Variants in COL5A1 observed in about 807,000 individuals in gnomAD.
COL5A1 encodes the protein collagen alpha-1(V) chain.
COL5A1 carries 16 observed loss-of-function variants against 263.7 expected under a neutral mutation model. That is an observed-to-expected ratio of 0.06 (90% CI 0.04 to 0.09). The LOEUF is 0.09. Among genes scored for constraint, COL5A1 ranks in the 10% least tolerant of loss-of-function variants. COL5A1 has a pLI of 1.00. For synonymous variants in COL5A1, 1,012 were observed against 1,004.5 expected, an observed-to-expected ratio of 1.01 and a Z score of -0.14; for missense variants, 2,036 against 2,540.5, an observed-to-expected ratio of 0.80 and a Z score of 4.27.
chr9:134,689,829 C>T (rs1170689730), intron 1 of COL5A1, among the ~76,000 whole-genome samples: 1 of 64,102 alleles, frequency 1.6e-5, no homozygotes, highest in East Asian at 5.5e-4. Flanking sequence ...ACTCCCAGGC[C>T]GCCCCAACAC....
intron 14 of COL5A1, 50 bp downstream of exon 14, chr9:134,752,695 A>G: frequency 6.9e-7 from 1 of 1,445,364 alleles, no homozygotes; most frequent in Non-Finnish European, 9.7e-7. Flanking sequence ...GGATTGGCCC[A>G]CTCCCTGTGT....
intron 1 of COL5A1, among the ~76,000 whole-genome samples, chr9:134,685,214 A>ACCAT (rs1832992495): frequency 3.4e-5 from 3 of 87,208 alleles, no homozygotes; most frequent in Non-Finnish European, 4.7e-5. Flanking sequence ...CCATCCATCC[A>ACCAT]CCATCCATTC....
chr9:134,768,526 T>C, intron 25 of COL5A1, 63 bp downstream of exon 25: 1 of 1,517,462 alleles, frequency 6.6e-7, no homozygotes, highest in Non-Finnish European at 9.1e-7. Context: ...CGGATAGGGC[T>C]GCAGGCCCAG....
rs181344443 is a variant in COL5A1, at chr9:134,663,292, G to T, written c.109+20996G>T. On this transcript the variant is annotated intron_variant, in intron 1 of 65. Transcript: ENST00000371817. ...TGGAGTCAGTGTGTGGTGGCCGGGG[G>T]CCTGTCCCAGAACGTAGCACACTTC... 6.4e-3 allele frequency among the ~76,000 whole-genome samples: 972 copies of T among 152,340 alleles called. 5 individuals carry two copies. The highest frequency in any genetic ancestry group is 9.0e-3 in the Admixed American group (137 of 15,306).
At position 134,727,354 on chromosome 9, in the gene COL5A1, T is replaced by G; in HGVS notation, c.743T>G (p.Val248Gly). ...EHYSPDCDTAVPDTPQSQDPN... is the reference protein window; with the variant it reads ...EHYSPDCDTAGPDTPQSQDPN... ...TACAGCCCTGACTGTGACACCGCAG[T>G]ACCTGACACCCCACAGTCGCAGGAC... Residue 248 changes from valine (V) to glycine (G), a missense_variant, in exon 5 of 66, where the codon GTA becomes GGA. Transcript: ENST00000371817. The G allele has an allele frequency of 6.2e-7, 1 of 1,614,050 alleles. No individual in the cohort carries two copies. The highest frequency in any genetic ancestry group is 2.2e-5 in the East Asian group (1 of 44,874).
chr9:134,759,748 C>T (rs1277011309), intron 18 of COL5A1, among the ~76,000 whole-genome samples: 130 of 105,294 alleles, frequency 1.2e-3, no homozygotes, highest in African/African-American at 2.8e-3. Context: ...ACACACCACA[C>T]ATGCACACAC....
At chr9:134,706,383 T>A (rs1167503513) in intron 4 of COL5A1, among the ~76,000 whole-genome samples, 1 of 152,102 alleles carries the variant, frequency 6.6e-6, no homozygotes, top group Non-Finnish European at 1.5e-5. Flanking sequence ...CAGGGCATAG[T>A]CAGGAACGAG....
intron 5 of COL5A1, among the ~76,000 whole-genome samples, chr9:134,727,793 T>C (rs1315347981): frequency 1.3e-5 from 2 of 152,164 alleles, no homozygotes; most frequent in African/African-American, 4.8e-5. Flanking sequence ...TTGTCTACTG[T>C]AGAATGGCCA....
In COL5A1 at chr9:134,652,502, G is replaced by C. The variant is rs191650280; in HGVS notation, c.109+10206G>C. On this transcript the variant is annotated intron_variant, in intron 1 of 65. Coordinates refer to ENST00000371817, the MANE Select transcript of COL5A1 (RefSeq NM_000093.5). This position sits in a 1 kb window ranked among gnomAD's most constrained non-coding sequence, Gnocchi z 4.4. Reference sequence around the variant, plus strand: ...ATGGCTTCTCAGCCCAGGCCATTTGGGGACATGTGGCAATGTCTGGAGATG... The same window carrying C: ...ATGGCTTCTCAGCCCAGGCCATTTGCGGACATGTGGCAATGTCTGGAGATG... Among the ~76,000 whole-genome samples the C allele has an allele frequency of 9.1e-4, 139 of 152,288 alleles. No individual in the cohort carries two copies. The highest frequency in any genetic ancestry group is 3.1e-3 in the African/African-American group (127 of 41,556).
chr9:134,666,406 G>T (rs1832358495), intron 1 of COL5A1, among the ~76,000 whole-genome samples: 2 of 152,202 alleles, frequency 1.3e-5, no homozygotes, highest in African/African-American at 4.8e-5. Flanking sequence ...CTGGAGAGTG[G>T]CTTTTGGCCT....
intron 2 of COL5A1, among the ~76,000 whole-genome samples, chr9:134,697,023 A>T (rs997069842): frequency 6.6e-6 from 1 of 151,930 alleles, no homozygotes; most frequent in Non-Finnish European, 1.5e-5. Context: ...GTGAGCTGAG[A>T]TCACGCCACT....
At chr9:134,732,371 G>T in intron 9 of COL5A1, 2 of 609,362 alleles carry the variant, frequency 3.3e-6, no homozygotes, top group Non-Finnish European at 5.9e-6. Context: ...GATCAAAGCC[G>T]GTCCTGCACC....
chr9:134,673,228 G>A (rs1026151043), intron 1 of COL5A1, among the ~76,000 whole-genome samples: 5 of 152,182 alleles, frequency 3.3e-5, no homozygotes, highest in Non-Finnish European at 7.3e-5. Context: ...TGAAAAAGAA[G>A]AACATCGGAG....
intron 11 of COL5A1, among the ~76,000 whole-genome samples, chr9:134,743,100 C>A (rs1336545061): frequency 6.6e-6 from 1 of 152,184 alleles, no homozygotes; most frequent in Admixed American, 6.5e-5. Context: ...AAGAAATGTT[C>A]CCTGTGATCA....
chr9:134,784,904 C>T lies in COL5A1; in HGVS notation c.2485-85C>T, dbSNP rs528101460. 4.3e-5 allele frequency: 50 copies of T among 1,158,388 alleles called. No individual in the cohort carries two copies. The African/African-American group carries it at 6.8e-4, about 16-fold the overall frequency. 71.8% of individuals were successfully genotyped at this position (1,158,388 alleles called of 1,614,324 possible). On this transcript the variant is annotated intron_variant, in intron 29 of 65. Transcript: ENST00000371817. ...ACCACAGGGTGCCTGTGACCTGTCC[C>T]CTTGCTCCTTGCTCTCAGAATGGTG...
chr9:134,701,219 C>G lies in COL5A1; in HGVS notation c.540C>G (p.Ile180Met), dbSNP rs374994926. The change falls in exon 4 of 66, where the codon ATC (isoleucine) becomes ATG (methionine). Residue 180 changes from isoleucine (I) to methionine (M), a missense_variant. Physicochemically the swap from Ile to Met is conservative, Grantham distance 10 (BLOSUM62 1). Around this residue, in one of 3 missense-constraint regions of COL5A1, gnomAD observed 600 missense variants for 634.5 expected, o/e 0.95. Coordinates refer to ENST00000371817, the MANE Select transcript of COL5A1 (RefSeq NM_000093.5). ...LSVHKKNVTL[I>M]LDCKKKTTKF... ...TCCACAAGAAAAATGTCACCTTGAT[C>G]CTCGACTGTAAAAAGAAGACCACCA... is the stretch of plus-strand genomic sequence containing the variant. 2 of 1,614,002 alleles carry G rather than the reference C, an allele frequency of 1.2e-6. No individual in the cohort carries two copies. The highest frequency in any genetic ancestry group is 4.5e-5 in the East Asian group (2 of 44,874).
chr9:134,738,509 C>T lies in COL5A1; in HGVS notation c.1425C>T (p.Gly475=), dbSNP rs1222300300. ...TCGAGGGCCCGCCTGGCCCAGAAGGCCCCGCGGTGAGTATCCGGCTTTATC... is the reference window on the plus strand; with the variant it reads ...TCGAGGGCCCGCCTGGCCCAGAAGGTCCCGCGGTGAGTATCCGGCTTTATC... ...MLIEGPPGPE[G]PAGLPGPPGT... The change falls in exon 10 of 66, where the codon GGC becomes GGT. Residue 475 remains glycine, a synonymous_variant. Coordinates refer to ENST00000371817, the MANE Select transcript of COL5A1 (RefSeq NM_000093.5). The T allele has an allele frequency of 1.9e-6, 3 of 1,614,028 alleles. No homozygotes were observed. Among genetic ancestry groups the T allele is most frequent in the Non-Finnish European group, 2.5e-6 (3 of 1,180,024 alleles).
intron 2 of COL5A1, among the ~76,000 whole-genome samples, chr9:134,697,129 T>G (rs1390583611): frequency 6.6e-6 from 1 of 151,888 alleles, no homozygotes; most frequent in Non-Finnish European, 1.5e-5. Flanking sequence ...AACTGTGACT[T>G]TTCTTGGAGA....
intron 60 of COL5A1, 67 bp from the exon 61 acceptor site, chr9:134,823,349 C>T: frequency 1.3e-6 from 2 of 1,555,990 alleles, no homozygotes; most frequent in Non-Finnish European, 1.8e-6. Context: ...CATTCTAGAG[C>T]TGAAGGTGGA....
Sources: gnomAD v4.1 joint callset for allele counts (sites outside exome capture counted in the v4.1 genomes callset) on GRCh38, gnomAD v4.1.1 for gene constraint, gnomAD v4.1.1 regional missense constraint, Gnocchi (gnomAD v3.1) non-coding constraint, MANE v1.5 for transcripts, NCBI Gene and HGNC (gene_info 2026-07-23, HGNC 2026-07-21) for gene names.